The following ADGRA3 variants were observed in gnomAD, a reference collection of about 807,000 sequenced individuals.
The protein encoded by ADGRA3 is G-protein coupled receptor 125.
ADGRA3 carries 56 observed loss-of-function variants against 119.8 expected under a neutral mutation model. The ratio of observed to expected loss-of-function variants is 0.47; its 90% CI spans 0.38 to 0.58. The LOEUF is 0.58. Among genes scored for constraint, ADGRA3 ranks in the 20% least tolerant of loss-of-function variants. ADGRA3 has a pLI of 0.00. For synonymous variants in ADGRA3, 607 were observed against 623.8 expected (o/e 0.97, Z 0.40); for missense variants, 1,516 against 1,649.0 (o/e 0.92, Z 1.40).
intron 1 of ADGRA3, among the ~76,000 whole-genome samples, chr4:22,489,887 A>G (rs1718565243): frequency 6.6e-6 from 1 of 152,234 alleles, no homozygotes; most frequent in African/African-American, 2.4e-5. Flanking sequence ...TAAGGTCACA[A>G]TACAATTTAT....
chr4:22,478,104 C>A (rs991507842), intron 1 of ADGRA3: 2 of 152,148 alleles, frequency 1.3e-5, no homozygotes, highest in African/African-American at 4.8e-5. Flanking sequence ...GCCACATGAT[C>A]TATGGACGAT....
chr4:22,426,170 TG>T (rs1715924383), intron 10 of ADGRA3, among the ~76,000 whole-genome samples: 1 of 152,172 alleles, frequency 6.6e-6, no homozygotes, highest in South Asian at 2.1e-4. Flanking sequence ...GGGTTGTATT[TG>T]TATGTCTGTG....
chr4:22,513,981 T>C lies in ADGRA3; in HGVS notation c.257+1547A>G, dbSNP rs552699639. Reference sequence around the variant, plus strand: ...TGCTGAAAATCAATTTACCACCATATCCCCTATTTTTTTCTGCAACGCAAA... The same window carrying C: ...TGCTGAAAATCAATTTACCACCATACCCCCTATTTTTTTCTGCAACGCAAA... On this transcript the variant is annotated intron_variant, in intron 1 of 18. Coordinates refer to ENST00000334304, the MANE Select transcript of ADGRA3 (RefSeq NM_145290.4). Among the ~76,000 whole-genome samples the C allele has an allele frequency of 2.0e-5, 3 of 151,620 alleles. No individual in the cohort carries two copies. In the East Asian group the frequency reaches 5.8e-4, roughly 29 times the overall value.
chr4:22,455,741 C>G (rs61792029), intron 3 of ADGRA3: 20,036 of 962,152 alleles, frequency 0.021, 513 homozygotes, highest in East Asian at 0.076. Context: ...TTTAATCAGA[C>G]ACCTGCACTG....
At chr4:22,512,564 C>G (rs191944474) in intron 1 of ADGRA3, among the ~76,000 whole-genome samples, 153 of 152,140 alleles carry the variant, frequency 1.0e-3, no homozygotes, top group East Asian at 1.7e-3. Context: ...CTAGGGTGGA[C>G]CCTAAATTCA....
chr4:22,496,281 T>C (rs1718823141), intron 1 of ADGRA3, among the ~76,000 whole-genome samples: 3 of 152,164 alleles, frequency 2.0e-5, no homozygotes, highest in Non-Finnish European at 2.9e-5. Context: ...CACTTAAGTA[T>C]GGGTGACCTC....
chr4:22,462,390 T>C (rs932355331), intron 2 of ADGRA3, among the ~76,000 whole-genome samples: 1 of 152,136 alleles, frequency 6.6e-6, no homozygotes, highest in East Asian at 1.9e-4. Flanking sequence ...CCTGACTCAC[T>C]GCAACCTCCA....
chr4:22,401,747 C>G (rs950035850), intron 15 of ADGRA3, among the ~76,000 whole-genome samples, 193 bp from the exon 16 acceptor site: 44 of 152,150 alleles, frequency 2.9e-4, no homozygotes, highest in African/African-American at 1.1e-3. Context: ...TTAACTCGAT[C>G]TCGTTTCTTA....
chr4:22,436,341 G>A, intron 9 of ADGRA3, 99 bp downstream of exon 9: 1 of 834,320 alleles, frequency 1.2e-6, no homozygotes, highest in South Asian at 1.8e-5. Context: ...AAATCCTTAT[G>A]TTTTGCCTAG....
rs767332338 is a variant in ADGRA3 at position 22,388,117 on chromosome 4, G to GT, written c.3553dup (p.Thr1185AsnfsTer24). 1 of 1,614,146 alleles carries GT rather than the reference G, an allele frequency of 6.2e-7. No homozygotes were observed. Among genetic ancestry groups the GT allele is most frequent in the South Asian group, 1.1e-5 (1 of 91,084 alleles). ...ATCGTAGGCATATTCTCTCAGGACTGTGAGTCGGCTTGCCCGGTGTCCTTT... is the reference window on the plus strand; with the variant it reads ...ATCGTAGGCATATTCTCTCAGGACTGTTGAGTCGGCTTGCCCGGTGTCCTTT... On this transcript the variant is annotated frameshift_variant, in exon 19 of 19. Transcript: ENST00000334304. LOFTEE classifies it low-confidence loss of function (END_TRUNC).
rs1716782382 is a variant in ADGRA3 at position 22,445,111 on chromosome 4, A to C, written c.568T>G (p.Leu190Val). 7 of 1,613,886 alleles carry C rather than the reference A, an allele frequency of 4.3e-6. No individual in the cohort carries two copies. The highest frequency in any genetic ancestry group is 5.9e-6 in the Non-Finnish European group (7 of 1,179,790). Residue 190 changes from leucine (L) to valine (V), a missense_variant, in exon 6 of 19, where the codon TTG (leucine) becomes GTG (valine). Leu to Val is a conservative substitution (Grantham distance 32). This residue lies in a region of ADGRA3 where 428 missense variants were observed against 541.9 expected (regional missense o/e 0.79). Coordinates refer to ENST00000334304, the MANE Select transcript of ADGRA3 (RefSeq NM_145290.4). ...ATCCACAGTATGTTACAGTCACACAAAAGATACTCAGTCTGGAATTCCCTG... is the reference window on the plus strand; with the variant it reads ...ATCCACAGTATGTTACAGTCACACACAAGATACTCAGTCTGGAATTCCCTG... ...RSLEFQTEYL[L>V]CDCNILWMHR...
At chr4:22,495,383 T>G (rs1046864438) in intron 1 of ADGRA3, among the ~76,000 whole-genome samples, 2 of 151,992 alleles carry the variant, frequency 1.3e-5, no homozygotes, top group Non-Finnish European at 2.9e-5. Context: ...GGCAATCTGG[T>G]GAAACCCCAT....
At chr4:22,395,632 G>A (rs1714318949) in intron 16 of ADGRA3, among the ~76,000 whole-genome samples, 1 of 152,134 alleles carries the variant, frequency 6.6e-6, no homozygotes, top group Admixed American at 6.5e-5. Context: ...TCTCCCCTAC[G>A]GTGTCCACTA....
intron 1 of ADGRA3, among the ~76,000 whole-genome samples, chr4:22,492,670 T>C (rs184526357): frequency 5.9e-4 from 90 of 152,312 alleles, no homozygotes; most frequent in Admixed American, 5.8e-3. Flanking sequence ...CTGGGTGGAT[T>C]TCTCTTTTAA....
chr4:22,424,826 C>G (rs531512525), intron 10 of ADGRA3, among the ~76,000 whole-genome samples: 1 of 152,290 alleles, frequency 6.6e-6, no homozygotes, highest in South Asian at 2.1e-4. Context: ...AATCCCAGCA[C>G]TTTGGGAGGC....
intron 1 of ADGRA3, among the ~76,000 whole-genome samples, chr4:22,493,148 T>C (rs1433597563): frequency 1.3e-5 from 2 of 152,190 alleles, no homozygotes; most frequent in South Asian, 2.1e-4. Context: ...TATTTCTTCG[T>C]AGAGATGGGG....
At chr4:22,447,653 C>A in intron 4 of ADGRA3, 142 bp from the exon 5 acceptor site, 2 of 493,230 alleles carry the variant, frequency 4.1e-6, no homozygotes, top group Non-Finnish European at 3.6e-6. Context: ...AAAGAGGGAG[C>A]GATTAGAAAA....
intron 5 of ADGRA3, among the ~76,000 whole-genome samples, chr4:22,447,111 G>A (rs1033311733): frequency 4.6e-5 from 7 of 151,826 alleles, no homozygotes; most frequent in African/African-American, 1.7e-4. Context: ...CATAGGAAGG[G>A]TTATTTTATA....
intron 4 of ADGRA3, among the ~76,000 whole-genome samples, chr4:22,453,852 T>C (rs1717152703): frequency 6.6e-6 from 1 of 150,904 alleles, no homozygotes; most frequent in African/African-American, 2.4e-5. Flanking sequence ...CTTTATTACT[T>C]TTTTTTTTAT....
Sources: allele counts gnomAD v4.1 joint callset (sites outside exome capture counted in the v4.1 genomes callset), GRCh38; gene constraint gnomAD v4.1.1; regional missense constraint gnomAD v4.1.1; transcripts MANE v1.5; gene names NCBI Gene and HGNC (gene_info 2026-07-23, HGNC 2026-07-21).